COL24A1: variants seen among roughly 807,000 people sequenced by gnomAD.
The protein encoded by COL24A1 is collagen alpha-1(XXIV) chain.
Under a neutral mutation model 253.9 loss-of-function variants are expected in COL24A1, and 224 were observed. That is an observed-to-expected ratio of 0.88 (90% CI 0.79 to 0.99). The LOEUF (loss-of-function observed/expected upper bound fraction) is 0.99, where lower values mean the gene tolerates loss of function less well. Among genes scored for constraint, COL24A1 ranks in the 50% least tolerant of loss-of-function variants. COL24A1 has a pLI of 0.00. For missense variants in COL24A1, 2,131 were observed against 2,068.5 expected (o/e 1.03, Z -0.59); for synonymous variants, 685 against 673.7 (o/e 1.02, Z -0.26).
chr1:86,014,082 TG>T (rs1413988677), intron 19 of COL24A1, among the ~76,000 whole-genome samples: 4 of 152,226 alleles, frequency 2.6e-5, no homozygotes, highest in Non-Finnish European at 5.9e-5. Context: ...ACAGTTATGC[TG>T]TGTATAACTC....
chr1:86,006,679 A>T (rs1021353185), intron 19 of COL24A1, among the ~76,000 whole-genome samples: 2 of 152,190 alleles, frequency 1.3e-5, no homozygotes, highest in East Asian at 1.9e-4. Flanking sequence ...TGCAGAAAAC[A>T]ATGTCAAGAG....
chr1:85,939,687 T>C (rs1445564737), intron 24 of COL24A1, among the ~76,000 whole-genome samples: 1 of 152,170 alleles, frequency 6.6e-6, no homozygotes, highest in African/African-American at 2.4e-5. Context: ...TTTATAAGTT[T>C]TTTTTGGAAT....
intron 53 of COL24A1, among the ~76,000 whole-genome samples, chr1:85,768,083 T>C (rs1370187252): frequency 6.6e-6 from 1 of 152,112 alleles, no homozygotes; most frequent in Admixed American, 6.5e-5. Context: ...TTCTTTAAGA[T>C]GGTATTTGAG....
At chr1:86,135,269 A>T (rs6663057) in intron 2 of COL24A1, among the ~76,000 whole-genome samples, 23,992 of 151,868 alleles carry the variant, frequency 0.16, 1,989 homozygotes, top group South Asian at 0.24. Flanking sequence ...GGTTTCCTGA[A>T]TACAGCACAC....
At chr1:86,099,082 T>C (rs896598486) in intron 5 of COL24A1, among the ~76,000 whole-genome samples, 1 of 152,178 alleles carries the variant, frequency 6.6e-6, no homozygotes, top group Admixed American at 6.5e-5. Flanking sequence ...TGGTAAATTT[T>C]AAAAGGTTAA....
At chr1:85,872,542 C>T (rs1256036798) in intron 35 of COL24A1, among the ~76,000 whole-genome samples, 2 of 152,102 alleles carry the variant, frequency 1.3e-5, no homozygotes, top group East Asian at 3.9e-4. Flanking sequence ...CACATCTCTA[C>T]AACCATCTGA....
rs1346096027 is a variant in COL24A1 at position 86,022,130 on chromosome 1, G to A, written c.2256+110C>T. ...GGATTTGCTATATTCTAAAACTAAGGAGACAAATGCTCAGTAGGCTTATAC... is the reference window on the plus strand; with the variant it reads ...GGATTTGCTATATTCTAAAACTAAGAAGACAAATGCTCAGTAGGCTTATAC... On this transcript the variant is annotated intron_variant, in intron 18 of 59. Coordinates refer to ENST00000370571, the MANE Select transcript of COL24A1 (RefSeq NM_152890.7). 5 of 942,716 alleles carry A rather than the reference G, an allele frequency of 5.3e-6. No individual in the cohort carries two copies. The African/African-American group carries it at 6.5e-5, about 12-fold the overall frequency. 58.4% of individuals were successfully genotyped at this position (942,716 alleles called of 1,614,324 possible). A position where few individuals can be genotyped will look rare whatever the true frequency, so the allele number is the denominator to read the frequency against.
intron 47 of COL24A1, among the ~76,000 whole-genome samples, chr1:85,792,534 A>AAG (rs1670385895): frequency 6.7e-6 from 1 of 150,122 alleles, no homozygotes; most frequent in Non-Finnish European, 1.5e-5. Context: ...AAAAAAAAAA[A>AAG]AAAAAAGAAA....
chr1:85,873,065 C>A (rs1195741007), intron 35 of COL24A1, among the ~76,000 whole-genome samples: 1 of 152,092 alleles, frequency 6.6e-6, no homozygotes, highest in Non-Finnish European at 1.5e-5. Flanking sequence ...ATTTATGCAG[C>A]CAACAGACAC....
chr1:85,967,844 C>A (rs139435337), intron 22 of COL24A1, among the ~76,000 whole-genome samples: 109 of 152,280 alleles, frequency 7.2e-4, no homozygotes, highest in African/African-American at 2.6e-3. Context: ...ATGGTCAATA[C>A]TTAGTGTCAA....
At chr1:85,934,134 T>C (rs1688051794) in intron 24 of COL24A1, among the ~76,000 whole-genome samples, 2 of 152,164 alleles carry the variant, frequency 1.3e-5, no homozygotes, top group Non-Finnish European at 2.9e-5. Flanking sequence ...GACATAGTAG[T>C]TGGCTTCCCC....
In COL24A1 at chr1:86,134,402, G is replaced by A. The variant is rs531507360; in HGVS notation, c.122-8188C>T. On this transcript the variant is annotated intron_variant, in intron 2 of 59. Coordinates refer to ENST00000370571, the MANE Select transcript of COL24A1 (RefSeq NM_152890.7). ...TTGCTTTCTGCTAGCTTTTGAATGTGTTTGCTCTTGCTTCTCTAGTGCTTT... is the reference window on the plus strand; with the variant it reads ...TTGCTTTCTGCTAGCTTTTGAATGTATTTGCTCTTGCTTCTCTAGTGCTTT... 2.8e-3 allele frequency among the ~76,000 whole-genome samples: 420 copies of A among 151,528 alleles called. 3 individuals are homozygous for A. The highest frequency in any genetic ancestry group is 9.7e-3 in the African/African-American group (399 of 41,314).
At chr1:86,022,461 G>T in intron 17 of COL24A1, 77 bp downstream of exon 17, 1 of 1,374,240 alleles carries the variant, frequency 7.3e-7, no homozygotes, top group Non-Finnish European at 1.0e-6. Context: ...ACAATACATG[G>T]ATAAAATAAT....
At chr1:86,058,863 A>T (rs530699906) in intron 9 of COL24A1, among the ~76,000 whole-genome samples, 3 of 152,140 alleles carry the variant, frequency 2.0e-5, no homozygotes, top group African/African-American at 7.2e-5. Context: ...AGAACTTATT[A>T]ACACTTGTGC....
intron 45 of COL24A1, among the ~76,000 whole-genome samples, chr1:85,820,459 C>T (rs1268855331): frequency 6.6e-6 from 1 of 152,142 alleles, no homozygotes; most frequent in Non-Finnish European, 1.5e-5. Context: ...GCTGCACATG[C>T]CAGCATAGGT....
chr1:86,059,227 G>T, intron 8 of COL24A1, 53 bp from the exon 9 acceptor site: 1 of 1,352,034 alleles, frequency 7.4e-7, no homozygotes, highest in South Asian at 1.3e-5. Flanking sequence ...AAACAAATTT[G>T]GTATATTTAC....
At chr1:85,793,539 A>T (rs1670514379) in intron 47 of COL24A1, among the ~76,000 whole-genome samples, 1 of 152,118 alleles carries the variant, frequency 6.6e-6, no homozygotes, top group African/African-American at 2.4e-5. Context: ...TGGACTTAGG[A>T]TTCAGGTGAT....
At chr1:86,127,592 T>C (rs1410122013) in intron 2 of COL24A1, among the ~76,000 whole-genome samples, 3 of 152,082 alleles carry the variant, frequency 2.0e-5, no homozygotes, top group Non-Finnish European at 4.4e-5. Context: ...TCTTTATTAT[T>C]CTTTGGGTTA....
intron 37 of COL24A1, among the ~76,000 whole-genome samples, chr1:85,865,724 A>T (rs780971865): frequency 6.6e-6 from 1 of 152,228 alleles, no homozygotes; most frequent in Non-Finnish European, 1.5e-5. Context: ...TTAAATATAC[A>T]TACTAAAGTA....
Sources: allele counts gnomAD v4.1 joint callset (sites outside exome capture counted in the v4.1 genomes callset), GRCh38; gene constraint gnomAD v4.1.1; transcripts MANE v1.5; gene names NCBI Gene and HGNC (gene_info 2026-07-23, HGNC 2026-07-21).